Variants in CDK17 observed in about 807,000 individuals in gnomAD.
The protein encoded by CDK17 is cyclin-dependent kinase 17.
CDK17 carries 24 observed loss-of-function variants against 77.6 expected under a neutral mutation model. The observed-to-expected ratio is 0.31, with a 90% CI of 0.22 to 0.44. The LOEUF is 0.44. CDK17 is among the 20% of genes least tolerant of loss of function. The pLI is 1.00. For missense variants in CDK17, 429 were observed against 622.5 expected (o/e 0.69, Z 3.31); for synonymous variants, 203 against 210.4 (o/e 0.96, Z 0.30).
intron 1 of CDK17, among the ~76,000 whole-genome samples, chr12:96,386,385 A>G (rs76229371): frequency 0.038 from 5,854 of 152,258 alleles, 206 homozygotes; most frequent in East Asian, 0.12. Flanking sequence ...ACAGAGGCAC[A>G]TGCCTGCAAT....
intron 11 of CDK17, 77 bp from the exon 12 acceptor site, chr12:96,286,838 G>A: frequency 3.2e-6 from 4 of 1,233,322 alleles, no homozygotes; most frequent in Non-Finnish European, 4.7e-6. Flanking sequence ...CCTTAAGGTT[G>A]CCTCTCTGCA....
intron 1 of CDK17, among the ~76,000 whole-genome samples, chr12:96,381,640 A>G (rs1030434814): frequency 1.3e-5 from 2 of 152,018 alleles, no homozygotes; most frequent in African/African-American, 4.8e-5. Context: ...ATACATATAT[A>G]AGAATATCAA....
chr12:96,368,283 T>C (rs1043775510), intron 1 of CDK17, among the ~76,000 whole-genome samples: 2 of 152,216 alleles, frequency 1.3e-5, no homozygotes, highest in Non-Finnish European at 1.5e-5. Flanking sequence ...TATCTTCCCA[T>C]GTATTTTTGT....
At chr12:96,371,668 A>G (rs914592400) in intron 1 of CDK17, among the ~76,000 whole-genome samples, 3 of 151,984 alleles carry the variant, frequency 2.0e-5, no homozygotes, top group African/African-American at 7.3e-5. Flanking sequence ...GGGGGCGGAG[A>G]CTGTGGTGAG....
intron 5 of CDK17, among the ~76,000 whole-genome samples, chr12:96,302,289 G>A (rs1435130866): frequency 6.6e-6 from 1 of 152,004 alleles, no homozygotes; most frequent in South Asian, 2.1e-4. Flanking sequence ...GTACATGACA[G>A]TCTGATTACG....
At chr12:96,354,803 G>A (rs1953369551) in intron 1 of CDK17, among the ~76,000 whole-genome samples, 1 of 152,008 alleles carries the variant, frequency 6.6e-6, no homozygotes, top group Non-Finnish European at 1.5e-5. Context: ...AGGATTACTT[G>A]AGCCCAGAAG....
At chr12:96,364,490 GT>G (rs1256796040) in intron 1 of CDK17, among the ~76,000 whole-genome samples, 2 of 152,118 alleles carry the variant, frequency 1.3e-5, no homozygotes, top group African/African-American at 4.8e-5. Flanking sequence ...GGTGACTAAT[GT>G]CGCCAATCAT....
At chr12:96,310,733 T>G (rs544568622) in intron 5 of CDK17, among the ~76,000 whole-genome samples, 66 of 151,150 alleles carry the variant, frequency 4.4e-4, no homozygotes, top group Non-Finnish European at 8.3e-4. Flanking sequence ...TAGTATATAT[T>G]AATACATGTT....
At chr12:96,321,894 G>A (rs937728568) in intron 3 of CDK17, among the ~76,000 whole-genome samples, 5 of 146,480 alleles carry the variant, frequency 3.4e-5, no homozygotes, top group African/African-American at 1.3e-4. Flanking sequence ...CACCAGCATG[G>A]CACATGTATA....
At chr12:96,308,996 T>C (rs1952613637) in intron 5 of CDK17, among the ~76,000 whole-genome samples, 1 of 152,096 alleles carries the variant, frequency 6.6e-6, no homozygotes, top group African/African-American at 2.4e-5. Flanking sequence ...TGTTTGTACT[T>C]TTCCTAAAGC....
At chr12:96,370,974 CTCAGATCTGAAA>C (rs1238823986) in intron 1 of CDK17, among the ~76,000 whole-genome samples, 1 of 152,084 alleles carries the variant, frequency 6.6e-6, no homozygotes, top group Admixed American at 6.5e-5. Context: ...TCAACCAACC[CTCAGATCTGAAA>C]TCAGATCTTC....
chr12:96,355,241 A>C (rs1953375292), intron 1 of CDK17, among the ~76,000 whole-genome samples: 1 of 151,538 alleles, frequency 6.6e-6, no homozygotes, highest in African/African-American at 2.4e-5. Context: ...CCAGATGTTA[A>C]TGGCTCATTT....
At chr12:96,362,556 A>T (rs1015862040) in intron 1 of CDK17, among the ~76,000 whole-genome samples, 1 of 152,164 alleles carries the variant, frequency 6.6e-6, no homozygotes, top group Non-Finnish European at 1.5e-5. Flanking sequence ...TTTTGAAAAT[A>T]ACTATATTAG....
At chr12:96,377,757 G>A (rs1297858530) in intron 1 of CDK17, among the ~76,000 whole-genome samples, 8 of 146,664 alleles carry the variant, frequency 5.5e-5, no homozygotes, top group Admixed American at 3.5e-4. Context: ...GCAGTGGTGC[G>A]ATCTCGGCTC....
intron 2 of CDK17, among the ~76,000 whole-genome samples, chr12:96,326,636 C>T (rs372329583): frequency 2.4e-4 from 37 of 152,184 alleles, no homozygotes; most frequent in African/African-American, 8.2e-4. Context: ...TGAGATTGCT[C>T]GGTCTCACCC....
At chr12:96,299,714 T>C (rs953442278) in intron 6 of CDK17, among the ~76,000 whole-genome samples, 1 of 152,176 alleles carries the variant, frequency 6.6e-6, no homozygotes, top group Non-Finnish European at 1.5e-5. Flanking sequence ...CCCATGTTTC[T>C]AGACTTTTCA....
At position 96,362,199 on chromosome 12, in the gene CDK17, A is replaced by C. The variant is rs562005875; in HGVS notation, c.-29-27334T>G. ...TAACTAATAAGATGATAAGAACATA[A>C]GATAGTTACAGCACACTTTGATTTT... is the stretch of plus-strand genomic sequence containing the variant. On this transcript the variant is annotated intron_variant, in intron 1 of 16. Coordinates refer to ENST00000261211, the MANE Select transcript of CDK17 (RefSeq NM_002595.5). Among the ~76,000 whole-genome samples, 3 of 152,246 alleles carry C rather than the reference A, an allele frequency of 2.0e-5. No homozygotes were observed. The East Asian group carries it at 5.8e-4, about 29-fold the overall frequency.
At chr12:96,310,963 T>A in intron 5 of CDK17, 89 bp downstream of exon 5, 1 of 1,329,552 alleles carries the variant, frequency 7.5e-7, no homozygotes, top group Non-Finnish European at 1.0e-6. Context: ...TAAAGTCAAG[T>A]ATAAAAATTA....
intron 3 of CDK17, among the ~76,000 whole-genome samples, chr12:96,323,720 T>G (rs1015551731): frequency 3.9e-5 from 6 of 152,198 alleles, no homozygotes; most frequent in African/African-American, 1.4e-4. Flanking sequence ...CCATTTATTA[T>G]GGGTTTCATT....
Sources: gnomAD v4.1 joint callset for allele counts (sites outside exome capture counted in the v4.1 genomes callset) on GRCh38, gnomAD v4.1.1 for gene constraint, MANE v1.5 for transcripts, NCBI Gene and HGNC (gene_info 2026-07-23, HGNC 2026-07-21) for gene names.